CSMD1: variants seen among roughly 807,000 people sequenced by gnomAD.
CSMD1 encodes CUB and sushi domain-containing protein 1.
In CSMD1, 213 loss-of-function variants were observed where a neutral mutation model predicts 417.5. The observed-to-expected ratio is 0.51, with a 90% CI of 0.46 to 0.57. CSMD1 has a LOEUF of 0.57. Ranked by LOEUF, CSMD1 falls within the 20% of genes least tolerant of loss-of-function variation. CSMD1 has a pLI of 0.00. For missense variants in CSMD1, 6,923 were observed against 4,529.7 expected (o/e 1.53, Z -15.17); for synonymous variants, 2,862 against 1,736.8 (o/e 1.65, Z -16.11).
At chr8:3,127,572 T>A (rs1163365624) in intron 41 of CSMD1, 4 of 152,214 alleles carry the variant, frequency 2.6e-5, no homozygotes, top group African/African-American at 9.6e-5. Flanking sequence ...TCATTTCACA[T>A]AAAATTCAGC....
chr8:3,104,228 G>A (rs1322545794), intron 46 of CSMD1, among the ~76,000 whole-genome samples: 2 of 152,194 alleles, frequency 1.3e-5, no homozygotes, highest in Non-Finnish European at 2.9e-5. Flanking sequence ...AATGGCAGAA[G>A]ATGAACACTT....
chr8:4,530,899 G>A (rs144237594), intron 2 of CSMD1, among the ~76,000 whole-genome samples: 2 of 151,612 alleles, frequency 1.3e-5, no homozygotes, highest in Non-Finnish European at 2.9e-5. Flanking sequence ...CCATTATACC[G>A]GAACTACAGC....
chr8:3,544,623 T>C (rs1798583468), intron 10 of CSMD1, among the ~76,000 whole-genome samples: 1 of 152,106 alleles, frequency 6.6e-6, no homozygotes, highest in African/African-American at 2.4e-5. Context: ...GCGGGGGCCC[T>C]GGGAACGGAC....
At chr8:4,959,567 A>G (rs1023881921) in intron 1 of CSMD1, among the ~76,000 whole-genome samples, 5 of 152,222 alleles carry the variant, frequency 3.3e-5, no homozygotes, top group African/African-American at 9.6e-5. Flanking sequence ...CACTATAATT[A>G]TCACCCGATA....
chr8:3,254,786 A>G (rs1391952188), intron 26 of CSMD1, among the ~76,000 whole-genome samples: 1 of 152,008 alleles, frequency 6.6e-6, no homozygotes. Context: ...TTTTTTTTCA[A>G]GGTTTTTAAC....
intron 2 of CSMD1, among the ~76,000 whole-genome samples, chr8:4,450,608 T>A (rs1408909814): frequency 6.6e-6 from 1 of 152,088 alleles, no homozygotes; most frequent in Non-Finnish European, 1.5e-5. Context: ...TCCAGCCTGG[T>A]AACAGAGTGA....
intron 7 of CSMD1, among the ~76,000 whole-genome samples, chr8:3,685,394 C>T (rs1450882829): frequency 1.3e-5 from 2 of 152,156 alleles, no homozygotes; most frequent in Non-Finnish European, 2.9e-5. Context: ...CTGGGTCCTG[C>T]TGCTCACTGC....
chr8:4,545,881 A>C (rs1235821141), intron 2 of CSMD1, among the ~76,000 whole-genome samples: 2 of 152,084 alleles, frequency 1.3e-5, no homozygotes. Flanking sequence ...TATCCCCTAT[A>C]TTTTACATTT....
Position 3,477,465 on chromosome 8 carries a change from T to C in CSMD1, c.1449-8641A>G, listed in dbSNP as rs143195829. 8.9e-4 allele frequency among the ~76,000 whole-genome samples: 136 copies of C among 152,332 alleles called. 1 individual carries two copies. Among genetic ancestry groups the C allele is most frequent in the African/African-American group, 2.8e-3 (115 of 41,570 alleles). ...TGATTTAAGTGACTACTTGCCTTAA[T>C]TGGGTAGACACAGGGTGAGCTGGAG... On this transcript the variant is annotated intron_variant, in intron 11 of 69. Transcript: ENST00000635120.
intron 6 of CSMD1, among the ~76,000 whole-genome samples, chr8:3,739,152 T>A (rs1178691686): frequency 1.3e-5 from 2 of 152,222 alleles, no homozygotes; most frequent in African/African-American, 4.8e-5. Flanking sequence ...GTTTAAACAA[T>A]GTTTGCAGTT....
At chr8:4,039,680 G>C (rs534083676) in intron 3 of CSMD1, among the ~76,000 whole-genome samples, 5 of 152,258 alleles carry the variant, frequency 3.3e-5, no homozygotes, top group African/African-American at 9.6e-5. Context: ...AACTCAATGA[G>C]GAAGTGAGCT....
intron 5 of CSMD1, among the ~76,000 whole-genome samples, chr8:3,880,951 G>A (rs1806166263): frequency 6.6e-6 from 1 of 152,064 alleles, no homozygotes. Context: ...AATTAGTATA[G>A]AAAAGACAAC....
chr8:4,447,348 A>T (rs1426986072), intron 2 of CSMD1, among the ~76,000 whole-genome samples: 1 of 152,224 alleles, frequency 6.6e-6, no homozygotes. Flanking sequence ...TCAAAATGCT[A>T]TACAAGTTAA....
At chr8:3,736,347 T>C (rs1339577932) in intron 6 of CSMD1, among the ~76,000 whole-genome samples, 1 of 152,034 alleles carries the variant, frequency 6.6e-6, no homozygotes, top group African/African-American at 2.4e-5. Context: ...GCTCAGGTGA[T>C]TCTCCTACCT....
At chr8:4,731,785 C>A (rs1371828297) in intron 1 of CSMD1, among the ~76,000 whole-genome samples, 3 of 152,128 alleles carry the variant, frequency 2.0e-5, no homozygotes, top group Non-Finnish European at 4.4e-5. Flanking sequence ...CTACCACCTA[C>A]TCTATTTATT....
chr8:4,160,159 T>C (rs1362166706), intron 3 of CSMD1, among the ~76,000 whole-genome samples: 1 of 152,112 alleles, frequency 6.6e-6, no homozygotes, highest in Non-Finnish European at 1.5e-5. Context: ...TTGAAAATTA[T>C]GATTTACTGA....
intron 1 of CSMD1, among the ~76,000 whole-genome samples, chr8:4,848,653 G>C (rs1240028813): frequency 1.3e-5 from 2 of 151,744 alleles, no homozygotes; most frequent in South Asian, 2.1e-4. Flanking sequence ...AATTATCCTG[G>C]CTCTGCCTCT....
At chr8:3,716,803 C>G (rs1451457674) in intron 6 of CSMD1, among the ~76,000 whole-genome samples, 2 of 152,114 alleles carry the variant, frequency 1.3e-5, no homozygotes, top group East Asian at 3.9e-4. Context: ...CTCTGTTGGT[C>G]ACTTATCCGA....
intron 2 of CSMD1, among the ~76,000 whole-genome samples, chr8:4,480,923 T>C (rs1801065532): frequency 6.6e-6 from 1 of 152,186 alleles, no homozygotes; most frequent in African/African-American, 2.4e-5. Flanking sequence ...TTCATCATCT[T>C]AGTGACTGGC....
Sources: gnomAD v4.1 joint callset for allele counts (sites outside exome capture counted in the v4.1 genomes callset) on GRCh38, gnomAD v4.1.1 for gene constraint, MANE v1.5 for transcripts, NCBI Gene and HGNC (gene_info 2026-07-23, HGNC 2026-07-21) for gene names.